KCNQ5: variants seen among roughly 807,000 people sequenced by gnomAD.
KCNQ5 encodes the protein potassium voltage-gated channel subfamily KQT member 5.
KCNQ5 carries 30 observed loss-of-function variants against 98.2 expected under a neutral mutation model. The observed-to-expected ratio is 0.31, with a 90% CI of 0.23 to 0.41. The LOEUF (loss-of-function observed/expected upper bound fraction) is 0.41. KCNQ5 is among the 10% of genes least tolerant of loss of function. The pLI is 1.00. For synonymous variants in KCNQ5, 458 were observed against 449.4 expected (o/e 1.02, Z -0.24); for missense variants, 835 against 1,182.5 (o/e 0.71, Z 4.31).
chr6:72,694,142 T>C (rs1045504834), intron 1 of KCNQ5, among the ~76,000 whole-genome samples: 2 of 152,204 alleles, frequency 1.3e-5, no homozygotes, highest in Admixed American at 6.5e-5. Context: ...CATTTTTTGA[T>C]CATGTAAAAT....
chr6:72,747,428 T>A (rs1157358524), intron 1 of KCNQ5, among the ~76,000 whole-genome samples: 1 of 152,226 alleles, frequency 6.6e-6, no homozygotes, highest in Non-Finnish European at 1.5e-5. Context: ...TCGGGCTTCA[T>A]GGGACTGCCA....
At chr6:72,699,953 G>T (rs910404994) in intron 1 of KCNQ5, among the ~76,000 whole-genome samples, 14 of 152,018 alleles carry the variant, frequency 9.2e-5, no homozygotes, top group Non-Finnish European at 1.8e-4. Context: ...GTTCCTTATT[G>T]TTCCTTCTTC....
At chr6:72,873,618 T>C (rs1581936753) in intron 1 of KCNQ5, among the ~76,000 whole-genome samples, 1 of 152,136 alleles carries the variant, frequency 6.6e-6, no homozygotes, top group African/African-American at 2.4e-5. Context: ...TTTAACTGGC[T>C]TAGAAGAGCC....
At chr6:73,041,840 G>T in intron 2 of KCNQ5, 96 bp from the exon 3 acceptor site, 1 of 1,378,386 alleles carries the variant, frequency 7.3e-7, no homozygotes, top group South Asian at 1.2e-5. Flanking sequence ...AGATCCTTTA[G>T]ACAAAGTGCC....
intron 3 of KCNQ5, among the ~76,000 whole-genome samples, chr6:73,067,863 G>GATAT (rs71695883): frequency 0.036 from 155 of 4,258 alleles, 1 homozygote; most frequent in African/African-American, 0.038. Context: ...TTGGACAAAA[G>GATAT]ATATATATAT....
At chr6:72,691,404 A>G (rs1218204555) in intron 1 of KCNQ5, among the ~76,000 whole-genome samples, 1 of 152,220 alleles carries the variant, frequency 6.6e-6, no homozygotes, top group African/African-American at 2.4e-5. Context: ...CCTGCCCTTT[A>G]CAATTGCTCT....
At chr6:72,851,638 A>T (rs192520404) in intron 1 of KCNQ5, among the ~76,000 whole-genome samples, 2 of 152,278 alleles carry the variant, frequency 1.3e-5, no homozygotes, top group East Asian at 3.9e-4. Flanking sequence ...TCAGTCTGTG[A>T]TATATATTCA....
intron 1 of KCNQ5, among the ~76,000 whole-genome samples, chr6:72,907,120 G>A (rs1230989171): frequency 6.6e-6 from 1 of 152,054 alleles, no homozygotes. Context: ...AATTTCAAAT[G>A]TTTATTACTT....
chr6:72,856,019 T>C (rs1037529235), intron 1 of KCNQ5, among the ~76,000 whole-genome samples: 7 of 152,194 alleles, frequency 4.6e-5, no homozygotes, highest in African/African-American at 1.7e-4. Flanking sequence ...AAGTATACAC[T>C]CTTACTGTGT....
chr6:72,740,020 T>C (rs1485711655), intron 1 of KCNQ5, among the ~76,000 whole-genome samples: 1 of 152,138 alleles, frequency 6.6e-6, no homozygotes, highest in Admixed American at 6.5e-5. Context: ...CTGCTCAGGG[T>C]CTCACTTGGT....
rs148994233 is a variant in KCNQ5, at chr6:72,725,433, GA to G, written c.398+102851del. Reference sequence around the variant, plus strand: ...GGACATTTCTTGAAGAAGTGTAGTAGAAAAAGAGAATTTCTATAAGAATTAT... The same window carrying G: ...GGACATTTCTTGAAGAAGTGTAGTAGAAAAGAGAATTTCTATAAGAATTAT... On this transcript the variant is annotated intron_variant, in intron 1 of 13. Transcript: ENST00000370398. Among the ~76,000 whole-genome samples the G allele has an allele frequency of 3.0e-3, 457 of 152,204 alleles. 4 individuals carry two copies. The highest frequency in any genetic ancestry group is 0.01 in the African/African-American group (419 of 41,540).
chr6:72,878,824 C>G (rs891252651), intron 1 of KCNQ5, among the ~76,000 whole-genome samples: 6 of 152,122 alleles, frequency 3.9e-5, no homozygotes, highest in African/African-American at 1.2e-4. Context: ...CGTTCTTTCA[C>G]CATTCTGAAT....
chr6:72,767,492 T>G (rs1772636851), intron 1 of KCNQ5, among the ~76,000 whole-genome samples: 1 of 151,872 alleles, frequency 6.6e-6, no homozygotes, highest in Non-Finnish European at 1.5e-5. Context: ...TAAATTTGAT[T>G]TCATCAAAGT....
At chr6:73,004,849 G>T (rs899403803) in intron 2 of KCNQ5, among the ~76,000 whole-genome samples, 1 of 152,152 alleles carries the variant, frequency 6.6e-6, no homozygotes, top group African/African-American at 2.4e-5. Flanking sequence ...ACAGAAGCAG[G>T]GGGAGGAAAA....
chr6:73,049,824 C>T (rs1772136314), intron 3 of KCNQ5, among the ~76,000 whole-genome samples: 1 of 152,080 alleles, frequency 6.6e-6, no homozygotes, highest in Admixed American at 6.6e-5. Flanking sequence ...AATTAATAAG[C>T]CATGTGATAT....
intron 1 of KCNQ5, among the ~76,000 whole-genome samples, chr6:72,783,128 T>A (rs1773570658): frequency 1.3e-5 from 2 of 152,102 alleles, no homozygotes; most frequent in Admixed American, 1.3e-4. Context: ...ACAAAACAGT[T>A]ATGAGTGGGA....
chr6:73,157,756 T>C lies in KCNQ5; in HGVS notation c.1469-11990T>C. 4 of 778,526 alleles carry C rather than the reference T, an allele frequency of 5.1e-6. No individual in the cohort carries two copies. The East Asian group carries it at 7.3e-5, about 14-fold the overall frequency. The allele number at this position is 778,526 out of a possible 1,614,324, so 48.2% of individuals were successfully genotyped here. Reference sequence around the variant, plus strand: ...GTCCCGAGCGATGAAGTAAGTGTGCTCCTAGGTGGGGTGCATGTTGGTGGG... The same window carrying C: ...GTCCCGAGCGATGAAGTAAGTGTGCCCCTAGGTGGGGTGCATGTTGGTGGG... On this transcript the variant is annotated intron_variant, in intron 10 of 13. Transcript: ENST00000370398.
chr6:72,791,939 G>A (rs533460379), intron 1 of KCNQ5, among the ~76,000 whole-genome samples: 3 of 152,284 alleles, frequency 2.0e-5, no homozygotes, highest in Admixed American at 1.3e-4. Flanking sequence ...CAACACTATT[G>A]CATTGGAGAT....
chr6:73,110,097 T>G (rs925475964), intron 6 of KCNQ5, among the ~76,000 whole-genome samples: 1 of 152,172 alleles, frequency 6.6e-6, no homozygotes, highest in South Asian at 2.1e-4. Flanking sequence ...TTGAACCATC[T>G]TTGAGCTACT....
Sources: gnomAD v4.1 joint callset for allele counts (sites outside exome capture counted in the v4.1 genomes callset) on GRCh38, gnomAD v4.1.1 for gene constraint, MANE v1.5 for transcripts, NCBI Gene and HGNC (gene_info 2026-07-23, HGNC 2026-07-21) for gene names.